The following BCAR3 variants were observed in gnomAD, a reference collection of about 807,000 sequenced individuals.
The protein encoded by BCAR3 is breast cancer anti-estrogen resistance protein 3.
In BCAR3, 37 loss-of-function variants were observed where a neutral mutation model predicts 80.1. The ratio of observed to expected loss-of-function variants is 0.46; its 90% CI spans 0.36 to 0.61. BCAR3 has a LOEUF of 0.61. Ranked by LOEUF, BCAR3 falls within the 20% of genes least tolerant of loss-of-function variation. The probability of loss-of-function intolerance (pLI) is 0.00; values close to 1 mark genes in which losing one functional copy is unlikely to be tolerated. For synonymous variants in BCAR3, 389 were observed against 418.9 expected, an observed-to-expected ratio of 0.93 and a Z score of 0.87; for missense variants, 978 against 1,068.2, an observed-to-expected ratio of 0.92 and a Z score of 1.18.
In BCAR3 at chr1:93,623,597, G is replaced by A. The variant is rs1675374964; in HGVS notation, c.357+18707C>T. ...AAAGAAGCTGATGGAAGAGAATGTGGTCAAAGTGCTGAGAGAGGCAGATGC... is the reference window on the plus strand; with the variant it reads ...AAAGAAGCTGATGGAAGAGAATGTGATCAAAGTGCTGAGAGAGGCAGATGC... On this transcript the variant is annotated intron_variant, in intron 3 of 11. Transcript: ENST00000260502. 2.0e-5 allele frequency among the ~76,000 whole-genome samples: 3 copies of A among 152,298 alleles called. No homozygotes were observed. In the South Asian group the frequency reaches 6.2e-4, roughly 32 times the overall value.
intron 2 of BCAR3, among the ~76,000 whole-genome samples, chr1:93,643,354 G>A (rs529692624): frequency 4.8e-4 from 72 of 151,252 alleles, no homozygotes; most frequent in African/African-American, 1.6e-3. Flanking sequence ...GTGAAACCCC[G>A]TCTCTACTAT....
intron 2 of BCAR3, among the ~76,000 whole-genome samples, chr1:93,786,332 AC>A (rs1486386994): frequency 6.6e-6 from 1 of 152,066 alleles, no homozygotes; most frequent in African/African-American, 2.4e-5. Flanking sequence ...GTTGACAGGA[AC>A]CAAAGCACCC....
chr1:93,635,077 T>A lies in BCAR3; in HGVS notation c.357+7227A>T, dbSNP rs958026657. Among the ~76,000 whole-genome samples, 9 of 152,038 alleles carry A rather than the reference T, an allele frequency of 5.9e-5. No individual in the cohort carries two copies. In the East Asian group the frequency reaches 1.7e-3, roughly 29 times the overall value. ...CCATCTCTACAAAAAATAAACAAGT[T>A]AGCTGGGTGTGGTAGTGAGTGCCTG... On this transcript the variant is annotated intron_variant, in intron 3 of 11. Coordinates refer to ENST00000260502, the MANE Select transcript of BCAR3 (RefSeq NM_003567.4).
chr1:93,765,622 T>C (rs1652118443), intron 2 of BCAR3, among the ~76,000 whole-genome samples: 1 of 152,126 alleles, frequency 6.6e-6, no homozygotes, highest in African/African-American at 2.4e-5. Flanking sequence ...ATTATCATTA[T>C]TTTTGTGTGT....
At chr1:93,672,640 T>C (rs2101944310) in intron 2 of BCAR3, among the ~76,000 whole-genome samples, 1 of 152,306 alleles carries the variant, frequency 6.6e-6, no homozygotes, top group East Asian at 1.9e-4. Context: ...TGCACAGGTA[T>C]GCACCTCCAT....
chr1:93,783,056 A>T (rs549871475), intron 2 of BCAR3, among the ~76,000 whole-genome samples: 15 of 152,382 alleles, frequency 9.8e-5, no homozygotes, highest in African/African-American at 3.6e-4. Flanking sequence ...AAGAAGATTG[A>T]CAATATCAGA....
intron 2 of BCAR3, among the ~76,000 whole-genome samples, chr1:93,789,645 C>G (rs1333038536): frequency 6.6e-6 from 1 of 152,202 alleles, no homozygotes; most frequent in African/African-American, 2.4e-5. Flanking sequence ...ATAGGGCATA[C>G]AGGATCAAAT....
At chr1:93,642,397 T>C in intron 2 of BCAR3, 54 bp from the exon 3 acceptor site, 4 of 1,501,714 alleles carry the variant, frequency 2.7e-6, no homozygotes, top group Non-Finnish European at 3.7e-6. Context: ...CATTCTTACA[T>C]TGAGTATAAT....
At chr1:93,641,681 T>C (rs1299404740) in intron 3 of BCAR3, among the ~76,000 whole-genome samples, 1 of 152,228 alleles carries the variant, frequency 6.6e-6, no homozygotes, top group East Asian at 1.9e-4. Flanking sequence ...ACTAAGTACC[T>C]AATATTACTA....
At chr1:93,647,886 A>C (rs1174900925) in intron 2 of BCAR3, among the ~76,000 whole-genome samples, 1 of 151,612 alleles carries the variant, frequency 6.6e-6, no homozygotes, top group Non-Finnish European at 1.5e-5. Flanking sequence ...GATTCTCCTG[A>C]CTTAGCCTCC....
At chr1:93,579,356 A>G (rs1248852623) in intron 7 of BCAR3, among the ~76,000 whole-genome samples, 1 of 152,186 alleles carries the variant, frequency 6.6e-6, no homozygotes, top group Non-Finnish European at 1.5e-5. Context: ...GGAAGATAAC[A>G]TGGAAATGGT....
chr1:93,575,579 C>A (rs1673421676), intron 8 of BCAR3, among the ~76,000 whole-genome samples: 1 of 152,196 alleles, frequency 6.6e-6, no homozygotes, highest in Non-Finnish European at 1.5e-5. Flanking sequence ...CTCTTCCCAG[C>A]CTTTCCCACA....
At chr1:93,817,829 G>T (rs1654073566) in intron 2 of BCAR3, among the ~76,000 whole-genome samples, 1 of 151,684 alleles carries the variant, frequency 6.6e-6, no homozygotes, top group Admixed American at 6.6e-5. Flanking sequence ...GCAGTATTTT[G>T]CCCCACAGCA....
intron 2 of BCAR3, among the ~76,000 whole-genome samples, chr1:93,809,522 C>T (rs1414055542): frequency 6.6e-6 from 1 of 151,930 alleles, no homozygotes; most frequent in Non-Finnish European, 1.5e-5. Flanking sequence ...AATCCCAGCA[C>T]TTTGGGAGGC....
chr1:93,780,252 G>A (rs1652721401), intron 2 of BCAR3, among the ~76,000 whole-genome samples: 1 of 152,114 alleles, frequency 6.6e-6, no homozygotes, highest in South Asian at 2.1e-4. Context: ...ACTCTCCTTT[G>A]TACAAATGAT....
At chr1:93,801,409 C>T (rs964962597) in intron 2 of BCAR3, among the ~76,000 whole-genome samples, 4 of 152,206 alleles carry the variant, frequency 2.6e-5, no homozygotes, top group Admixed American at 2.6e-4. Context: ...ATTGCTCATC[C>T]AATCTCTAAA....
At chr1:93,766,120 C>T (rs534813095) in intron 2 of BCAR3, among the ~76,000 whole-genome samples, 3 of 152,302 alleles carry the variant, frequency 2.0e-5, no homozygotes, top group African/African-American at 7.2e-5. Context: ...AACCACCATG[C>T]TACTCTGCTT....
intron 7 of BCAR3, among the ~76,000 whole-genome samples, chr1:93,577,867 A>C (rs1414313311): frequency 6.6e-6 from 1 of 152,186 alleles, no homozygotes; most frequent in Non-Finnish European, 1.5e-5. Flanking sequence ...CCTGCTCTCC[A>C]GTCTGCATTT....
intron 2 of BCAR3, among the ~76,000 whole-genome samples, chr1:93,774,719 G>A (rs1417986073): frequency 6.6e-6 from 1 of 152,148 alleles, no homozygotes; most frequent in East Asian, 1.9e-4. Context: ...GTCAATGAGG[G>A]AATACTTTTT....
Sources: gnomAD v4.1 joint callset for allele counts (sites outside exome capture counted in the v4.1 genomes callset) on GRCh38, gnomAD v4.1.1 for gene constraint, MANE v1.5 for transcripts, NCBI Gene and HGNC (gene_info 2026-07-23, HGNC 2026-07-21) for gene names.